The following NAP1L1 variants were observed in gnomAD, a reference collection of about 807,000 sequenced individuals.
NAP1L1 encodes the protein nucleosome assembly protein 1 like 1.
NAP1L1 carries 9 observed loss-of-function variants against 58.9 expected under a neutral mutation model. The ratio of observed to expected loss-of-function variants is 0.15; its 90% CI spans 0.09 to 0.27. The LOEUF is 0.27. NAP1L1 is among the 10% of genes least tolerant of loss of function. The pLI is 1.00. For synonymous variants in NAP1L1, 130 were observed against 138.3 expected (o/e 0.94, Z 0.42); for missense variants, 302 against 458.8 (o/e 0.66, Z 3.12).
chr12:76,081,515 T>C (rs916661509), intron 1 of NAP1L1, among the ~76,000 whole-genome samples: 1 of 152,132 alleles, frequency 6.6e-6, no homozygotes, highest in African/African-American at 2.4e-5. Context: ...GCAAAATCGC[T>C]TGAGGTGAGG....
intron 1 of NAP1L1, among the ~76,000 whole-genome samples, chr12:76,076,586 A>C (rs926772329): frequency 2.2e-5 from 3 of 134,784 alleles, no homozygotes; most frequent in African/African-American, 8.4e-5. Flanking sequence ...ATATATATAT[A>C]TATATATCTC....
At chr12:76,058,743 T>G (rs1023459144) in intron 6 of NAP1L1, among the ~76,000 whole-genome samples, 3 of 152,276 alleles carry the variant, frequency 2.0e-5, no homozygotes. Context: ...GGTGACCATT[T>G]TTGTTGATTA....
At chr12:76,082,541 T>C (rs1219351088) in intron 1 of NAP1L1, among the ~76,000 whole-genome samples, 1 of 152,222 alleles carries the variant, frequency 6.6e-6, no homozygotes, top group Non-Finnish European at 1.5e-5. Flanking sequence ...TAACATAATG[T>C]TGACTTGGAG....
chr12:76,053,139 G>GAATA (rs748408604), intron 10 of NAP1L1, 29 bp from the exon 11 acceptor site: 1 of 1,612,316 alleles, frequency 6.2e-7, no homozygotes, highest in South Asian at 1.1e-5. Context: ...AAATTACAAT[G>GAATA]AATAAGAAGC....
At chr12:76,064,967 T>C (rs1949595635) in intron 4 of NAP1L1, among the ~76,000 whole-genome samples, 1 of 152,122 alleles carries the variant, frequency 6.6e-6, no homozygotes, top group Non-Finnish European at 1.5e-5. Flanking sequence ...GCAATTGAAA[T>C]CTTGACTCCA....
rs970518293 is a variant in NAP1L1, at chr12:76,038,198, T to C, written c.*10231A>G. On this transcript the variant is annotated 3_prime_UTR_variant, in exon 15 of 15. Coordinates refer to ENST00000618691, the MANE Select transcript of NAP1L1 (RefSeq NM_004537.7). Reference sequence around the variant, plus strand: ...TGGGGTGACAAGATACCCCAGTAACTAAGAGTGGAAGCAATCCTCTGTCCC... The same window carrying C: ...TGGGGTGACAAGATACCCCAGTAACCAAGAGTGGAAGCAATCCTCTGTCCC... 1 of 152,120 alleles carries C rather than the reference T, an allele frequency of 6.6e-6. No homozygotes were observed. The highest frequency in any genetic ancestry group is 2.4e-5 in the African/African-American group (1 of 41,406). 9.4% of individuals were successfully genotyped at this position (152,120 alleles called of 1,614,324 possible). A position where few individuals can be genotyped will look rare whatever the true frequency, so the allele number is the denominator to read the frequency against.
At chr12:76,075,628 C>T (rs577095401) in intron 1 of NAP1L1, among the ~76,000 whole-genome samples, 1 of 152,158 alleles carries the variant, frequency 6.6e-6, no homozygotes, top group Non-Finnish European at 1.5e-5. Flanking sequence ...TCTAGTGATG[C>T]TGGGTAATGA....
intron 2 of NAP1L1, among the ~76,000 whole-genome samples, chr12:76,071,796 T>A (rs1399420435): frequency 6.6e-6 from 1 of 152,008 alleles, no homozygotes; most frequent in African/African-American, 2.4e-5. Flanking sequence ...AAGGGTAAAA[T>A]TCAGAACTTG....
intron 13 of NAP1L1, 140 bp from the exon 14 acceptor site, chr12:76,049,390 A>C: frequency 6.5e-7 from 1 of 1,542,480 alleles, no homozygotes; most frequent in Non-Finnish European, 8.7e-7. Context: ...AATACAATTT[A>C]ATTTGAAAGC....
intron 8 of NAP1L1, among the ~76,000 whole-genome samples, chr12:76,054,277 ACCTCGG>A (rs71078776): frequency 0.16 from 24,042 of 151,778 alleles, 2,706 homozygotes; most frequent in East Asian, 0.52. Context: ...TGATCCACCC[ACCTCGG>A]CCTCCCAAAG....
chr12:76,083,473 CAAA>C (rs34033928), intron 1 of NAP1L1, among the ~76,000 whole-genome samples: 7 of 87,208 alleles, frequency 8.0e-5, no homozygotes, highest in Admixed American at 1.4e-4. Flanking sequence ...CTTTTTTTTC[CAAA>C]AAAAAAAAAA....
Position 76,039,153 on chromosome 12 carries a change from T to C in NAP1L1, c.*9276A>G, listed in dbSNP as rs908244829. 6.6e-6 allele frequency: 1 copy of C among 152,228 alleles called. No homozygotes were observed. Among genetic ancestry groups the C allele is most frequent in the Non-Finnish European group, 1.5e-5 (1 of 68,024 alleles). The allele number at this position is 152,228 out of a possible 1,614,324, so 9.4% of individuals were successfully genotyped here. A position where few individuals can be genotyped will look rare whatever the true frequency, so the allele number is the denominator to read the frequency against. ...AACTTATTTCGACATATGTGGCCAATGTGGCTGTCATCCTAACCTCCCTTG... is the reference window on the plus strand; with the variant it reads ...AACTTATTTCGACATATGTGGCCAACGTGGCTGTCATCCTAACCTCCCTTG... On this transcript the variant is annotated 3_prime_UTR_variant, in exon 15 of 15. Transcript: ENST00000618691.
chr12:76,045,833 T>C lies in NAP1L1; in HGVS notation c.*2596A>G, dbSNP rs1307199715. 6.6e-6 allele frequency: 1 copy of C among 152,094 alleles called. No homozygotes were observed. Among genetic ancestry groups the C allele is most frequent in the Non-Finnish European group, 1.5e-5 (1 of 67,940 alleles). 9.4% of individuals were successfully genotyped at this position (152,094 alleles called of 1,614,324 possible). A position where few individuals can be genotyped will look rare whatever the true frequency, so the allele number is the denominator to read the frequency against. On this transcript the variant is annotated 3_prime_UTR_variant, in exon 15 of 15. Transcript: ENST00000618691. ...TTCTTTATAAGTGATTATATGATAT[T>C]TCACCATTTCTAACAGGAAAAAATG... is the stretch of plus-strand genomic sequence containing the variant.
Position 76,055,001 on chromosome 12 carries a change from A to C in NAP1L1, c.630+18T>G. On this transcript the variant is annotated intron_variant, in intron 8 of 14. Transcript: ENST00000618691. ...GTAAGCATGTTACAAAATTATAAAT[A>C]TTTCAAAGTTCTTTTACCATAGGCT... 3.2e-6 allele frequency: 5 copies of C among 1,567,254 alleles called. No individual in the cohort carries two copies. The highest frequency in any genetic ancestry group is 4.3e-6 in the Non-Finnish European group (5 of 1,153,018).
At chr12:76,064,806 A>T (rs1949588451) in intron 4 of NAP1L1, among the ~76,000 whole-genome samples, 1 of 151,838 alleles carries the variant, frequency 6.6e-6, no homozygotes, top group Non-Finnish European at 1.5e-5. Flanking sequence ...AAAAAAAAAA[A>T]TTCTCCAAAA....
chr12:76,068,139 A>C (rs1949770093), intron 3 of NAP1L1, among the ~76,000 whole-genome samples: 1 of 152,174 alleles, frequency 6.6e-6, no homozygotes, highest in Non-Finnish European at 1.5e-5. Context: ...CATAAACTTA[A>C]TTTTCCCAAT....
At chr12:76,058,619 C>A (rs1354125597) in intron 6 of NAP1L1, among the ~76,000 whole-genome samples, 2 of 152,096 alleles carry the variant, frequency 1.3e-5, no homozygotes, top group Non-Finnish European at 2.9e-5. Flanking sequence ...AACTCCTGAC[C>A]TAGTGATTGG....
In NAP1L1 at chr12:76,044,957, T is replaced by C. The variant is rs1458502907; in HGVS notation, c.*3472A>G. The C allele has an allele frequency of 1.3e-5, 2 of 152,196 alleles. No individual in the cohort carries two copies. Among genetic ancestry groups the C allele is most frequent in the African/African-American group, 4.8e-5 (2 of 41,466 alleles). The allele number at this position is 152,196 out of a possible 1,614,324, so 9.4% of individuals were successfully genotyped here. On this transcript the variant is annotated 3_prime_UTR_variant, in exon 15 of 15. Coordinates refer to ENST00000618691, the MANE Select transcript of NAP1L1 (RefSeq NM_004537.7). Reference sequence around the variant, plus strand: ...ATCCAGCATACAAAAATCACCAGTATACATCTATTAAGTTAACTGCAGTAT... The same window carrying C: ...ATCCAGCATACAAAAATCACCAGTACACATCTATTAAGTTAACTGCAGTAT...
In NAP1L1 at chr12:76,037,278, TTGA is replaced by T. The variant is rs1178588622; in HGVS notation, c.*11148_*11150del. ...GCTGCCTTCCTTTTCGCCTTAGTAG[TTGA>T]TGAACTGATGCCTCCTAGTGACCAA... On this transcript the variant is annotated 3_prime_UTR_variant, in exon 15 of 15. Transcript: ENST00000618691. 1.3e-5 allele frequency: 2 copies of T among 152,338 alleles called. No homozygotes were observed. The highest frequency in any genetic ancestry group is 4.8e-5 in the African/African-American group (2 of 41,470). The allele number at this position is 152,338 out of a possible 1,614,324, so 9.4% of individuals were successfully genotyped here. A position where few individuals can be genotyped will look rare whatever the true frequency, so the allele number is the denominator to read the frequency against.
Sources: gnomAD v4.1 joint callset for allele counts (sites outside exome capture counted in the v4.1 genomes callset) on GRCh38, gnomAD v4.1.1 for gene constraint, MANE v1.5 for transcripts, NCBI Gene and HGNC (gene_info 2026-07-23, HGNC 2026-07-21) for gene names.